Variants in RANBP10 observed in about 807,000 individuals in gnomAD.
The protein encoded by RANBP10 is ran-binding protein 10.
In RANBP10, 24 loss-of-function variants were observed where a neutral mutation model predicts 72.8. The ratio of observed to expected loss-of-function variants is 0.33; its 90% confidence interval spans 0.24 to 0.46. RANBP10 has a LOEUF of 0.46. Among genes scored for constraint, RANBP10 ranks in the 20% least tolerant of loss-of-function variants. The probability of loss-of-function intolerance (pLI) is 1.00; values close to 1 mark genes in which losing one functional copy is unlikely to be tolerated. For synonymous variants in RANBP10, 310 were observed against 322.3 expected (o/e 0.96, Z 0.41); for missense variants, 679 against 817.5 (o/e 0.83, Z 2.07).
At chr16:67,805,819 T>C (rs2055390798) in intron 1 of RANBP10, among the ~76,000 whole-genome samples, 1 of 152,202 alleles carries the variant, frequency 6.6e-6, no homozygotes. Context: ...GCAGCCTCTC[T>C]AGAATCCAGG....
intron 2 of RANBP10, among the ~76,000 whole-genome samples, chr16:67,798,029 C>G (rs1048843796): frequency 6.6e-6 from 1 of 150,768 alleles, no homozygotes; most frequent in Admixed American, 6.6e-5. Flanking sequence ...ACAGTGGCCA[C>G]CATCTAGACT....
At position 67,729,171 on chromosome 16, in the gene RANBP10, C is replaced by A. The variant is rs1034813044; in HGVS notation, c.1352+109G>T. On this transcript the variant is annotated intron_variant, in intron 10 of 13. Coordinates refer to ENST00000317506, the MANE Select transcript of RANBP10 (RefSeq NM_020850.3). This position sits in a 1 kb window ranked among gnomAD's most constrained non-coding sequence, Gnocchi z 7.1. ...CAAAAATTAGGACTCCAGGCACAGA[C>A]CTGAGATGGAGGCTGGGGGTGAAGG... 86 of 1,530,914 alleles carry A rather than the reference C, an allele frequency of 5.6e-5. No homozygotes were observed. In the Admixed American group the frequency reaches 1.5e-3, roughly 26 times the overall value. 94.8% of individuals were successfully genotyped at this position (1,530,914 alleles called of 1,614,324 possible).
Position 67,728,744 on chromosome 16 carries a change from G to T in RANBP10, c.1353-233C>A. ...ACCCTTGCCCCAGTGCTGCCTCTGT[G>T]ATTCTCCCCTCCCTGGCCCTCCTCT... On this transcript the variant is annotated intron_variant, in intron 10 of 13. Transcript: ENST00000317506. The T allele has an allele frequency of 8.4e-6, 6 of 714,534 alleles. No individual in the cohort carries two copies. In the South Asian group the frequency reaches 1.1e-4, roughly 13 times the overall value. 44.3% of individuals were successfully genotyped at this position (714,534 alleles called of 1,614,324 possible).
chr16:67,773,417 C>T lies in RANBP10; in HGVS notation c.348-1331G>A, dbSNP rs986779437. ...CTTTATAAACCTTCTTTTCTTTACC[C>T]TGTCTCAGGTATTTCTTTATAGTAA... On this transcript the variant is annotated intron_variant, in intron 2 of 13. Transcript: ENST00000317506. Among the ~76,000 whole-genome samples the T allele has an allele frequency of 2.6e-5, 4 of 152,286 alleles. No individual in the cohort carries two copies. The East Asian group carries it at 5.8e-4, about 22-fold the overall frequency.
chr16:67,805,640 G>T, intron 1 of RANBP10, 101 bp from the exon 2 acceptor site: 1 of 900,184 alleles, frequency 1.1e-6, no homozygotes, highest in Non-Finnish European at 1.8e-6. Context: ...CTCCTCTGTG[G>T]CCAGAGGACG....
chr16:67,737,747 C>T (rs894166150), intron 5 of RANBP10, among the ~76,000 whole-genome samples: 5 of 152,226 alleles, frequency 3.3e-5, no homozygotes, highest in Non-Finnish European at 5.9e-5. Context: ...TTCCACCACC[C>T]TACCCGCCCC....
intron 5 of RANBP10, 61 bp from the exon 6 acceptor site, chr16:67,735,103 C>T (rs543855492): frequency 2.1e-6 from 3 of 1,436,330 alleles, no homozygotes; most frequent in Admixed American, 2.2e-5. Flanking sequence ...AAGGCCTCAC[C>T]TCACCTCCAT....
intron 2 of RANBP10, among the ~76,000 whole-genome samples, chr16:67,776,002 AG>A (rs2054698181): frequency 6.6e-6 from 1 of 151,634 alleles, no homozygotes; most frequent in Non-Finnish European, 1.5e-5. Flanking sequence ...AAAATTAGCC[AG>A]GCATGGTGGT....
At chr16:67,765,450 C>T (rs1245021302) in intron 3 of RANBP10, among the ~76,000 whole-genome samples, 3 of 151,956 alleles carry the variant, frequency 2.0e-5, no homozygotes, top group Non-Finnish European at 2.9e-5. Flanking sequence ...CGCTTGAACC[C>T]GGGAGGCGAA....
rs573302478 is a variant in RANBP10, at chr16:67,785,925, C to T, written c.348-13839G>A. Among the ~76,000 whole-genome samples, 984 of 151,496 alleles carry T rather than the reference C, an allele frequency of 6.5e-3. 14 individuals carry two copies. Among genetic ancestry groups the T allele is most frequent in the African/African-American group, 0.022 (890 of 41,214 alleles). On this transcript the variant is annotated intron_variant, in intron 2 of 13. Transcript: ENST00000317506. ...CCTGTAGTCCCAGCTACTCGGGAGG[C>T]TGAGGCAGGAGAATGGCGTTAACTT... is the stretch of plus-strand genomic sequence containing the variant.
chr16:67,727,613 G>A, intron 12 of RANBP10, 138 bp downstream of exon 12: 1 of 1,398,740 alleles, frequency 7.1e-7, no homozygotes, highest in Non-Finnish European at 9.9e-7. Context: ...CATGTCCAGT[G>A]GGCCCAGATG....
intron 7 of RANBP10, chr16:67,731,230 C>A (rs1026638926): frequency 4.5e-6 from 2 of 448,636 alleles, no homozygotes; most frequent in South Asian, 4.7e-5. Flanking sequence ...CAGGGCCTGG[C>A]CTGCGCCCAG....
At chr16:67,772,166 G>C (rs1019510680) in intron 2 of RANBP10, 80 bp from the exon 3 acceptor site, 46 of 1,443,402 alleles carry the variant, frequency 3.2e-5, no homozygotes, top group Admixed American at 1.0e-4. Flanking sequence ...ACATTTATTG[G>C]TAAAAGACAG....
intron 3 of RANBP10, chr16:67,759,738 T>A (rs929778704): frequency 6.6e-6 from 1 of 152,242 alleles, no homozygotes; most frequent in Admixed American, 6.5e-5. Context: ...CCAGGCTATA[T>A]GGAACAGGAA....
At chr16:67,750,761 CTTTTTTTTTTTTTT>C (rs914921755) in intron 3 of RANBP10, among the ~76,000 whole-genome samples, 3 of 110,254 alleles carry the variant, frequency 2.7e-5, no homozygotes, top group African/African-American at 1.1e-4. Context: ...TTTTCACTTT[CTTTTTTTTTTTTTT>C]TTTTTTTTTG....
intron 2 of RANBP10, among the ~76,000 whole-genome samples, chr16:67,796,213 G>A (rs1029166521): frequency 2.6e-5 from 4 of 152,178 alleles, no homozygotes; most frequent in African/African-American, 9.6e-5. Context: ...ACAGCACACA[G>A]CCTATTTTGA....
intron 2 of RANBP10, among the ~76,000 whole-genome samples, chr16:67,794,938 A>C (rs1364429474): frequency 3.4e-5 from 5 of 148,908 alleles, no homozygotes; most frequent in South Asian, 4.2e-4. Flanking sequence ...ATTAAAAAAA[A>C]AAAAAAACAA....
At chr16:67,759,322 A>G (rs945151126) in intron 3 of RANBP10, among the ~76,000 whole-genome samples, 4 of 152,210 alleles carry the variant, frequency 2.6e-5, no homozygotes, top group Non-Finnish European at 5.9e-5. Context: ...ATCTTCCCAC[A>G]GCCCTGGTGC....
intron 2 of RANBP10, among the ~76,000 whole-genome samples, chr16:67,776,867 C>A (rs755345527): frequency 1.1e-3 from 173 of 151,026 alleles, no homozygotes; most frequent in Non-Finnish European, 2.1e-3. Flanking sequence ...TTATAATGAA[C>A]AATCAAAAAA....
Sources: allele counts gnomAD v4.1 joint callset (sites outside exome capture counted in the v4.1 genomes callset), GRCh38; gene constraint gnomAD v4.1.1; non-coding constraint Gnocchi (gnomAD v3.1); transcripts MANE v1.5; gene names NCBI Gene and HGNC (gene_info 2026-07-23, HGNC 2026-07-21).